SASH1: variants seen among roughly 807,000 people sequenced by gnomAD.
SASH1 encodes SAM and SH3 domain containing 1.
SASH1 carries 44 observed loss-of-function variants against 125.2 expected under a neutral mutation model. The observed-to-expected ratio is 0.35, with a 90% CI of 0.28 to 0.45. SASH1 has a LOEUF of 0.45. Among genes scored for constraint, SASH1 ranks in the 20% least tolerant of loss-of-function variants. The probability of loss-of-function intolerance (pLI) is 1.00; values close to 1 mark genes in which losing one functional copy is unlikely to be tolerated. For synonymous variants in SASH1, 639 were observed against 649.1 expected, an observed-to-expected ratio of 0.98 and a Z score of 0.24; for missense variants, 1,426 against 1,614.5, an observed-to-expected ratio of 0.88 and a Z score of 2.00.
chr6:148,444,173 C>A (rs957888360), intron 4 of SASH1, among the ~76,000 whole-genome samples: 3 of 152,230 alleles, frequency 2.0e-5, no homozygotes, highest in South Asian at 2.1e-4. Context: ...GTCTCAGGGA[C>A]CCCCTGTGTG....
At chr6:148,389,707 G>T (rs2114824540) in intron 1 of SASH1, among the ~76,000 whole-genome samples, 1 of 152,226 alleles carries the variant, frequency 6.6e-6, no homozygotes, top group East Asian at 1.9e-4. Flanking sequence ...GCAGTCCAGG[G>T]GCCACATTGG....
chr6:148,257,755 T>A, the SASH1 span, among the ~76,000 whole-genome samples: 7 of 150,858 alleles, frequency 4.6e-5, no homozygotes, highest in South Asian at 2.1e-4. Context: ...CTCAGCCTCC[T>A]CAGTAGCTGA....
At chr6:148,250,563 C>T in the SASH1 span, among the ~76,000 whole-genome samples, 1 of 109,130 alleles carries the variant, frequency 9.2e-6, no homozygotes, top group African/African-American at 3.6e-5. Flanking sequence ...CCTAAAAAAG[C>T]CTTAGTCTTA....
rs1783642095 is a variant in SASH1, at chr6:148,390,216, G to A, written c.239G>A (p.Arg80Lys). The change falls in exon 2 of 20, where the codon AGG becomes AAG. Residue 80 changes from arginine (R) to lysine (K), a missense_variant. Around this residue, in one of 3 missense-constraint regions of SASH1, gnomAD observed 567 missense variants for 575.6 expected, o/e 0.99. Transcript: ENST00000367467. Reference sequence around the variant, plus strand: ...ACCTGTTTCTCCGACGTGTGCGAGAGGATGGAGGAGCTGCGGAAACGGCGG... The same window carrying A: ...ACCTGTTTCTCCGACGTGTGCGAGAAGATGGAGGAGCTGCGGAAACGGCGG... ...YNTCFSDVCE[R>K]MEELRKRRVS... 1 of 1,613,066 alleles carries A rather than the reference G, an allele frequency of 6.2e-7. No homozygotes were observed. The highest frequency in any genetic ancestry group is 2.2e-5 in the East Asian group (1 of 44,860).
chr6:148,335,572 G>A (rs1406875058), intron 1 of SASH1, among the ~76,000 whole-genome samples: 2 of 151,502 alleles, frequency 1.3e-5, no homozygotes, highest in African/African-American at 4.8e-5. Flanking sequence ...TTGAATAAAT[G>A]AATGGATATA....
At chr6:148,456,818 T>A (rs1047626788) in intron 4 of SASH1, among the ~76,000 whole-genome samples, 1 of 151,164 alleles carries the variant, frequency 6.6e-6, no homozygotes, top group Non-Finnish European at 1.5e-5. Flanking sequence ...TGAGCTATAA[T>A]CACATCACTT....
At chr6:148,454,631 G>A (rs1371006871) in intron 4 of SASH1, among the ~76,000 whole-genome samples, 1 of 152,156 alleles carries the variant, frequency 6.6e-6, no homozygotes, top group African/African-American at 2.4e-5. Context: ...CCTAGCTGGT[G>A]GAAGGCTTTC....
chr6:148,330,325 T>C (rs536018461), intron 1 of SASH1, among the ~76,000 whole-genome samples: 2 of 152,350 alleles, frequency 1.3e-5, no homozygotes, highest in African/African-American at 2.4e-5. Context: ...CATAACACGA[T>C]GGCACCTCAA....
intron 8 of SASH1, chr6:148,512,384 C>T: frequency 3.0e-6 from 2 of 670,364 alleles, no homozygotes; most frequent in Non-Finnish European, 1.8e-6. Flanking sequence ...GATTCTTCTT[C>T]TATTAGAATT....
chr6:148,275,805 T>C (rs570110807), intron 1 of SASH1, among the ~76,000 whole-genome samples: 1 of 152,356 alleles, frequency 6.6e-6, no homozygotes, highest in African/African-American at 2.4e-5. Context: ...CATGGCAGCC[T>C]TGAACTCCTA....
rs966815641 is a variant in SASH1, at chr6:148,519,438, T to C, written c.863-109T>C. 1 of 747,916 alleles carries C rather than the reference T, an allele frequency of 1.3e-6. No homozygotes were observed. The highest frequency in any genetic ancestry group is 2.2e-6 in the Non-Finnish European group (1 of 448,028). The allele number at this position is 747,916 out of a possible 1,614,324, so 46.3% of individuals were successfully genotyped here. On this transcript the variant is annotated intron_variant, in intron 9 of 19. Transcript: ENST00000367467. The surrounding 1 kb of genome is among the most constrained non-coding windows in gnomAD (Gnocchi z 4.8). ...TTTCTGTACATATGTAAGTGGGAGC[T>C]GGGTTTATAAAGAGGGTCATGATAC...
At position 148,463,798 on chromosome 6, in the gene SASH1, G is replaced by A. The variant is rs535936906; in HGVS notation, c.387-4747G>A. Among the ~76,000 whole-genome samples the A allele has an allele frequency of 3.3e-5, 5 of 152,228 alleles. No homozygotes were observed. In the South Asian group the frequency reaches 8.3e-4, roughly 25 times the overall value. On this transcript the variant is annotated intron_variant, in intron 4 of 19. Transcript: ENST00000367467. Reference sequence around the variant, plus strand: ...TTGTTCCCTCCCCTGCTGTTCCCCTGCCCAGCTTTCCCCATCTGGGGAAGT... The same window carrying A: ...TTGTTCCCTCCCCTGCTGTTCCCCTACCCAGCTTTCCCCATCTGGGGAAGT...
the SASH1 span, among the ~76,000 whole-genome samples, chr6:148,206,136 A>G: frequency 6.6e-6 from 1 of 152,128 alleles, no homozygotes; most frequent in Non-Finnish European, 1.5e-5. Context: ...TAATCTATTA[A>G]AGAGAAAATG....
the SASH1 span, among the ~76,000 whole-genome samples, chr6:148,205,730 A>G: frequency 6.6e-6 from 1 of 152,066 alleles, no homozygotes; most frequent in Non-Finnish European, 1.5e-5. Context: ...TAATCCAACT[A>G]TCCTAACCCT....
At chr6:148,448,320 C>T (rs62432301) in intron 4 of SASH1, among the ~76,000 whole-genome samples, 9,315 of 152,128 alleles carry the variant, frequency 0.061, 364 homozygotes, top group South Asian at 0.21. Flanking sequence ...ATCTTCTTGC[C>T]GTTCTTCCAG....
At chr6:148,286,133 G>A (rs370893329) in intron 1 of SASH1, among the ~76,000 whole-genome samples, 2 of 151,880 alleles carry the variant, frequency 1.3e-5, no homozygotes, top group Non-Finnish European at 2.9e-5. Flanking sequence ...CCCTGAAGCT[G>A]ATTCATGGAC....
chr6:148,235,647 C>T, the SASH1 span, among the ~76,000 whole-genome samples: 12 of 152,136 alleles, frequency 7.9e-5, no homozygotes, highest in Non-Finnish European at 2.9e-5. Context: ...CCTACAGCTC[C>T]TTGTATTTCA....
intron 2 of SASH1, among the ~76,000 whole-genome samples, chr6:148,421,408 A>G (rs762765912): frequency 1.3e-5 from 2 of 152,176 alleles, no homozygotes; most frequent in East Asian, 1.9e-4. Flanking sequence ...GGTTCAAGCA[A>G]TTCTCCTGCC....
chr6:148,540,928 A>G (rs1444576193), intron 17 of SASH1, among the ~76,000 whole-genome samples: 1 of 152,202 alleles, frequency 6.6e-6, no homozygotes, highest in East Asian at 1.9e-4. Context: ...CCTCGGCTGC[A>G]TGGCCTGAAT....
Sources: allele counts gnomAD v4.1 joint callset (sites outside exome capture counted in the v4.1 genomes callset), GRCh38; gene constraint gnomAD v4.1.1; regional missense constraint gnomAD v4.1.1; non-coding constraint Gnocchi (gnomAD v3.1); transcripts MANE v1.5; gene names NCBI Gene and HGNC (gene_info 2026-07-23, HGNC 2026-07-21).